Variants in TEX11 observed in about 807,000 individuals in gnomAD.
The protein encoded by TEX11 is testis expressed 11.
TEX11 carries 7 observed loss-of-function variants against 84.4 expected under a neutral mutation model. That is an observed-to-expected ratio of 0.08 (90% CI 0.05 to 0.16). The LOEUF (loss-of-function observed/expected upper bound fraction) is 0.16. Among genes scored for constraint, TEX11 ranks in the 10% least tolerant of loss-of-function variants. TEX11 has a pLI of 1.00. For synonymous variants in TEX11, 264 were observed against 222.8 expected (o/e 1.18, Z -1.64); for missense variants, 551 against 660.5 (o/e 0.83, Z 1.82).
intron 4 of TEX11, among the ~76,000 whole-genome samples, chrX:70,867,855 C>T: frequency 9.0e-6 from 1 of 111,687 alleles, no homozygotes. Flanking sequence ...TCTTTCCTTA[C>T]ACCTTATAAA....
chrX:70,809,622 T>G (rs1240287200), intron 8 of TEX11, among the ~76,000 whole-genome samples: 5 of 111,895 alleles, frequency 4.5e-5, no homozygotes, highest in African/African-American at 6.5e-5. Context: ...CTAAAATAAC[T>G]GAAAGTAGCT....
chrX:70,874,118 G>A, intron 3 of TEX11, among the ~76,000 whole-genome samples: 1 of 110,720 alleles, frequency 9.0e-6, no homozygotes, highest in Middle Eastern at 4.6e-3. Context: ...ATCATGTGAT[G>A]CCTGCTCCCT....
chrX:70,678,527 C>T (rs952928247), intron 15 of TEX11, among the ~76,000 whole-genome samples: 4 of 109,696 alleles, frequency 3.6e-5, no homozygotes, highest in Non-Finnish European at 7.6e-5. Flanking sequence ...CTTTCTCAGC[C>T]CTCATGTTAA....
chrX:70,599,752 G>A (rs1429439651), intron 24 of TEX11, among the ~76,000 whole-genome samples: 2 of 100,156 alleles, frequency 2.0e-5, no homozygotes, highest in Non-Finnish European at 4.0e-5. Flanking sequence ...ACCCACCTAT[G>A]AGTGAGAATA....
chrX:70,782,645 CAAAAAAAAA>C (rs780011355), intron 9 of TEX11, among the ~76,000 whole-genome samples: 6 of 28,903 alleles, frequency 2.1e-4, no homozygotes, highest in Admixed American at 2.0e-3. Context: ...AAATGGAAAG[CAAAAAAAAA>C]AAAAAAAAAA....
At chrX:70,651,727 T>A (rs1425819039) in intron 16 of TEX11, among the ~76,000 whole-genome samples, 175 bp from the exon 17 acceptor site, 1 of 111,268 alleles carries the variant, frequency 9.0e-6, no homozygotes, top group Non-Finnish European at 1.9e-5. Context: ...CAACAGTGAG[T>A]TATACTTCTG....
intron 8 of TEX11, among the ~76,000 whole-genome samples, chrX:70,823,739 G>A (rs1250912782): frequency 1.8e-5 from 2 of 110,870 alleles, no homozygotes; most frequent in Non-Finnish European, 1.9e-5. Flanking sequence ...GGGTGCAGTG[G>A]CTCACTCCTG....
chrX:70,622,985 A>G (rs903909790), intron 20 of TEX11, among the ~76,000 whole-genome samples: 7 of 112,022 alleles, frequency 6.2e-5, no homozygotes, highest in African/African-American at 2.3e-4. Flanking sequence ...TCAAAATTCC[A>G]ATTGCTTCAT....
At chrX:70,853,392 A>AT in intron 5 of TEX11, 64 bp from the exon 6 acceptor site, 1 of 763,713 alleles carries the variant, frequency 1.3e-6, no homozygotes, top group Non-Finnish European at 1.9e-6. Flanking sequence ...TGGTGGGGGA[A>AT]TATTGGAGAA....
chrX:70,693,144 G>A (rs2090250897), intron 13 of TEX11, among the ~76,000 whole-genome samples: 1 of 111,496 alleles, frequency 9.0e-6, no homozygotes. Flanking sequence ...GGGAGGCTGA[G>A]GCAGGAGAAT....
At chrX:70,540,308 A>T (rs1176477355) in intron 28 of TEX11, among the ~76,000 whole-genome samples, 1 of 111,912 alleles carries the variant, frequency 8.9e-6, no homozygotes, top group African/African-American at 3.2e-5. Context: ...TAACCATCTT[A>T]ATCATTTTAA....
intron 14 of TEX11, among the ~76,000 whole-genome samples, chrX:70,681,970 C>T (rs759659396): frequency 7.6e-4 from 85 of 111,682 alleles, no homozygotes; most frequent in Non-Finnish European, 2.8e-4. Flanking sequence ...GAAAGCAACA[C>T]GTCACCTAAA....
intron 15 of TEX11, chrX:70,673,419 G>A (rs1222373033): frequency 9.0e-6 from 1 of 111,607 alleles, no homozygotes; most frequent in Non-Finnish European, 1.9e-5. Flanking sequence ...CACCACACTT[G>A]GCTTTCTACC....
intron 2 of TEX11, among the ~76,000 whole-genome samples, chrX:70,905,347 A>G (rs939361160): frequency 7.2e-5 from 8 of 111,234 alleles, no homozygotes; most frequent in Non-Finnish European, 1.5e-4. Flanking sequence ...AAATCAGTCA[A>G]TGTATTGAGG....
intron 8 of TEX11, among the ~76,000 whole-genome samples, chrX:70,815,078 A>G (rs1286865497): frequency 1.8e-5 from 2 of 111,704 alleles, no homozygotes; most frequent in African/African-American, 6.5e-5. Flanking sequence ...CACTTTACAG[A>G]TGAGAATACT....
downstream of TEX11, among the ~76,000 whole-genome samples, chrX:70,524,894 C>T (rs1053431440): frequency 2.7e-5 from 3 of 112,441 alleles, no homozygotes; most frequent in African/African-American, 9.7e-5. Flanking sequence ...TGGAAGTAGG[C>T]CGGACATGGC....
Position 70,570,827 on chromosome X carries a change from G to C in TEX11, c.2141-16027C>G, listed in dbSNP as rs1321454526. Among the ~76,000 whole-genome samples, 27 of 111,446 alleles carry C rather than the reference G, an allele frequency of 2.4e-4. No homozygotes were observed. The Admixed American group carries it at 2.6e-3, about 11-fold the overall frequency. On this transcript the variant is annotated intron_variant, in intron 25 of 29. Transcript: ENST00000374333. ...TTTTGTCCAAACTGTCAAATTTATTGGCATAAAGTTGTTCACAATATCCTT... is the reference window on the plus strand; with the variant it reads ...TTTTGTCCAAACTGTCAAATTTATTCGCATAAAGTTGTTCACAATATCCTT...
At chrX:70,896,126 G>A (rs770555336) in intron 2 of TEX11, among the ~76,000 whole-genome samples, 4 of 111,841 alleles carry the variant, frequency 3.6e-5, no homozygotes, top group Admixed American at 9.5e-5. Context: ...CTATCCATCC[G>A]ACAAAGGTCT....
intron 9 of TEX11, among the ~76,000 whole-genome samples, chrX:70,769,254 A>T (rs1569435419): frequency 9.0e-6 from 1 of 111,726 alleles, no homozygotes; most frequent in African/African-American, 3.2e-5. Context: ...TCACTAAAAA[A>T]CAATAGAGAA....
Sources: gnomAD v4.1 joint callset for allele counts (sites outside exome capture counted in the v4.1 genomes callset) on GRCh38, gnomAD v4.1.1 for gene constraint, MANE v1.5 for transcripts, NCBI Gene and HGNC (gene_info 2026-07-23, HGNC 2026-07-21) for gene names.